The following FEZ1 variants were observed in gnomAD, a reference collection of about 807,000 sequenced individuals.
The protein encoded by FEZ1 is fasciculation and elongation protein zeta-1.
A neutral mutation model predicts 49.3 loss-of-function variants in FEZ1; 20 were observed. That is an observed-to-expected ratio of 0.41 (90% CI 0.29 to 0.59). The LOEUF (loss-of-function observed/expected upper bound fraction) is 0.59, where lower values mean the gene tolerates loss of function less well. Ranked by LOEUF, FEZ1 falls within the 20% of genes least tolerant of loss-of-function variation. FEZ1 has a pLI of 0.36. For synonymous variants in FEZ1, 170 were observed against 180.9 expected (o/e 0.94, Z 0.48); for missense variants, 413 against 476.0 (o/e 0.87, Z 1.23).
At chr11:125,448,987 A>G (rs1459900660) in intron 8 of FEZ1, among the ~76,000 whole-genome samples, 2 of 152,136 alleles carry the variant, frequency 1.3e-5, no homozygotes, top group Non-Finnish European at 2.9e-5. Context: ...ATAGACGAGA[A>G]CACAGCAAGA....
chr11:125,476,742 A>G (rs2135771387), intron 3 of FEZ1, among the ~76,000 whole-genome samples: 1 of 152,338 alleles, frequency 6.6e-6, no homozygotes, highest in African/African-American at 2.4e-5. Flanking sequence ...TCTCAACACG[A>G]CCTAATGCTA....
Position 125,489,232 on chromosome 11 carries a change from T to G in FEZ1, c.311+235A>C, listed in dbSNP as rs550784064. On this transcript the variant is annotated intron_variant, in intron 2 of 9. Coordinates refer to ENST00000278919, the MANE Select transcript of FEZ1 (RefSeq NM_005103.5). The surrounding 1 kb of genome is among the most constrained non-coding windows in gnomAD (Gnocchi z 4.2). The stretch of plus-strand genomic sequence containing the variant: ...ACTGTGCTCCTGAAATTCCATTTTG[T>G]ATCTAGGAAAACCTTCATTCCTCTA... 1.2e-4 allele frequency: 146 copies of G among 1,173,868 alleles called. No individual in the cohort carries two copies. The highest frequency in any genetic ancestry group is 1.5e-4 in the Non-Finnish European group (144 of 952,232). The allele number at this position is 1,173,868 out of a possible 1,614,324, so 72.7% of individuals were successfully genotyped here.
chr11:125,452,189 G>A, intron 8 of FEZ1, 145 bp downstream of exon 8: 1 of 659,988 alleles, frequency 1.5e-6, no homozygotes, highest in Non-Finnish European at 2.8e-6. Flanking sequence ...CTGTGCGGGA[G>A]GATGTGACGC....
intron 1 of FEZ1, among the ~76,000 whole-genome samples, chr11:125,493,485 A>G (rs1229899330): frequency 1.4e-5 from 1 of 72,448 alleles, no homozygotes. Flanking sequence ...AAAGAAGGAA[A>G]GAAGGAAAGA....
rs370447604 is a variant in FEZ1, at chr11:125,480,365, G to A, written c.411+1169C>T. ...TGTGCCACTGCACTCCAGCCTAGGC[G>A]ACACAGTGAGACCCTGTCTGAGAAA... On this transcript the variant is annotated intron_variant, in intron 3 of 9. Coordinates refer to ENST00000278919, the MANE Select transcript of FEZ1 (RefSeq NM_005103.5). Among the ~76,000 whole-genome samples the A allele has an allele frequency of 2.6e-5, 4 of 151,888 alleles. No homozygotes were observed. The East Asian group carries it at 5.8e-4, about 22-fold the overall frequency.
intron 3 of FEZ1, 39 bp downstream of exon 3, chr11:125,481,495 A>G (rs573565939): frequency 2.7e-6 from 3 of 1,122,898 alleles, no homozygotes; most frequent in African/African-American, 3.0e-5. Flanking sequence ...TGGATTCCAC[A>G]TCTCAAGCCC....
chr11:125,490,394 A>T (rs867956256), intron 1 of FEZ1, among the ~76,000 whole-genome samples: 2 of 152,226 alleles, frequency 1.3e-5, no homozygotes, highest in African/African-American at 4.8e-5. Context: ...TAACTTTTTA[A>T]TTACAAAGAT....
intron 5 of FEZ1, among the ~76,000 whole-genome samples, chr11:125,456,685 G>T: frequency 6.6e-6 from 1 of 152,306 alleles, no homozygotes; most frequent in East Asian, 1.9e-4. Context: ...AGCCTAGCGG[G>T]TTAGCATACG....
Position 125,445,999 on chromosome 11 carries a change from A to C in FEZ1, c.*96T>G. 1 of 1,245,332 alleles carries C rather than the reference A, an allele frequency of 8.0e-7. No individual in the cohort carries two copies. The highest frequency in any genetic ancestry group is 1.9e-4 in the Middle Eastern group (1 of 5,348). The allele number at this position is 1,245,332 out of a possible 1,614,324, so 77.1% of individuals were successfully genotyped here. On this transcript the variant is annotated 3_prime_UTR_variant, in exon 10 of 10. Coordinates refer to ENST00000278919, the MANE Select transcript of FEZ1 (RefSeq NM_005103.5). The surrounding 1 kb of genome is among the most constrained non-coding windows in gnomAD (Gnocchi z 4.4). ...TCCAGGTTAAGCTATACACGTTTAA[A>C]TACATGTCGGAGGTTACATGGTCTC...
At chr11:125,454,473 ATCC>A (rs1198334502) in intron 6 of FEZ1, 1 of 336,270 alleles carries the variant, frequency 3.0e-6, no homozygotes, top group African/African-American at 2.1e-5. Flanking sequence ...TCCTCCTTTT[ATCC>A]TCCATCATGC....
chr11:125,460,793 A>G, intron 4 of FEZ1, 127 bp from the exon 5 acceptor site: 1 of 715,316 alleles, frequency 1.4e-6, no homozygotes. Flanking sequence ...TATTGTTTTT[A>G]CATAAATACT....
In FEZ1 at chr11:125,443,051, C is replaced by G. The variant is rs578091935; in HGVS notation, c.*3044G>C. Among the ~76,000 whole-genome samples, 4 of 152,194 alleles carry G rather than the reference C, an allele frequency of 2.6e-5. No individual in the cohort carries two copies. The South Asian group carries it at 8.3e-4, about 32-fold the overall frequency. ...ACGCCCGGCCCTGTGGTGGAGTTTT[C>G]TTACCAGAACTTGACCAGACTAGGC... On this transcript the variant is annotated 3_prime_UTR_variant, in exon 10 of 10. Transcript: ENST00000278919.
In FEZ1 at chr11:125,473,259, G is replaced by C. The variant is rs906286596; in HGVS notation, c.411+8275C>G. Among the ~76,000 whole-genome samples the C allele has an allele frequency of 7.5e-4, 115 of 152,320 alleles. 1 individual carries two copies. Among genetic ancestry groups the C allele is most frequent in the African/African-American group, 2.5e-3 (106 of 41,570 alleles). ...TAGATCCGCACATACATGATCAATTGATTTTCAACAAAGATGCCAAAACAA... is the reference window on the plus strand; with the variant it reads ...TAGATCCGCACATACATGATCAATTCATTTTCAACAAAGATGCCAAAACAA... On this transcript the variant is annotated intron_variant, in intron 3 of 9. Transcript: ENST00000278919.
rs1957359216 is a variant in FEZ1 at position 125,489,391 on chromosome 11, A to T, written c.311+76T>A. On this transcript the variant is annotated intron_variant, in intron 2 of 9. Coordinates refer to ENST00000278919, the MANE Select transcript of FEZ1 (RefSeq NM_005103.5). This position sits in a 1 kb window ranked among gnomAD's most constrained non-coding sequence, Gnocchi z 4.2. The stretch of plus-strand genomic sequence containing the variant: ...AATAGCCCATAAACCTATAGACAGA[A>T]ACCAGCACTATGTCAAGGAGACAAG... The T allele has an allele frequency of 1.3e-6, 2 of 1,525,768 alleles. No individual in the cohort carries two copies. Among genetic ancestry groups the T allele is most frequent in the Non-Finnish European group, 1.8e-6 (2 of 1,140,844 alleles). 94.5% of individuals were successfully genotyped at this position (1,525,768 alleles called of 1,614,324 possible). A position where few individuals can be genotyped will look rare whatever the true frequency, so the allele number is the denominator to read the frequency against.
intron 5 of FEZ1, 175 bp from the exon 6 acceptor site, chr11:125,456,281 G>C: frequency 1.6e-6 from 1 of 613,448 alleles, no homozygotes. Flanking sequence ...GGAAGGCGGG[G>C]GCCTGTGTAC....
chr11:125,446,012 G>T lies in FEZ1; in HGVS notation c.*83C>A. On this transcript the variant is annotated 3_prime_UTR_variant, in exon 10 of 10. Coordinates refer to ENST00000278919, the MANE Select transcript of FEZ1 (RefSeq NM_005103.5). Reference sequence around the variant, plus strand: ...ATACACGTTTAAATACATGTCGGAGGTTACATGGTCTCATGCAGTCCCTGT... The same window carrying T: ...ATACACGTTTAAATACATGTCGGAGTTTACATGGTCTCATGCAGTCCCTGT... 1.5e-6 allele frequency: 2 copies of T among 1,334,472 alleles called. No homozygotes were observed. Among genetic ancestry groups the T allele is most frequent in the Non-Finnish European group, 2.2e-6 (2 of 925,406 alleles). The allele number at this position is 1,334,472 out of a possible 1,614,324, so 82.7% of individuals were successfully genotyped here.
At chr11:125,490,498 C>A (rs1299319031) in intron 1 of FEZ1, among the ~76,000 whole-genome samples, 1 of 152,086 alleles carries the variant, frequency 6.6e-6, no homozygotes, top group Non-Finnish European at 1.5e-5. Flanking sequence ...ATGCCTGGCC[C>A]CAGGGGTTTT....
intron 2 of FEZ1, among the ~76,000 whole-genome samples, chr11:125,481,925 G>A (rs1301433358): frequency 2.0e-5 from 3 of 152,140 alleles, no homozygotes; most frequent in Non-Finnish European, 2.9e-5. Flanking sequence ...AACTGCCTCT[G>A]GCTCTGAAAA....
At chr11:125,472,982 A>C (rs1453139085) in intron 3 of FEZ1, among the ~76,000 whole-genome samples, 1 of 152,142 alleles carries the variant, frequency 6.6e-6, no homozygotes, top group Non-Finnish European at 1.5e-5. Flanking sequence ...TTTTGCAAAA[A>C]TTCATCTGCT....
Sources: allele counts gnomAD v4.1 joint callset (sites outside exome capture counted in the v4.1 genomes callset), GRCh38; gene constraint gnomAD v4.1.1; non-coding constraint Gnocchi (gnomAD v3.1); transcripts MANE v1.5; gene names NCBI Gene and HGNC (gene_info 2026-07-23, HGNC 2026-07-21).